KCNQ1: variants seen among roughly 807,000 people sequenced by gnomAD.
KCNQ1 encodes the protein potassium voltage-gated channel subfamily KQT member 1.
KCNQ1 carries 49 observed loss-of-function variants against 72.4 expected under a neutral mutation model. That is an observed-to-expected ratio of 0.68 (90% CI 0.54 to 0.86). The LOEUF is 0.86. Ranked by LOEUF, KCNQ1 falls within the 40% of genes least tolerant of loss-of-function variation. KCNQ1 has a pLI of 0.00. For missense variants in KCNQ1, 790 were observed against 945.1 expected (o/e 0.84, Z 2.15); for synonymous variants, 450 against 412.6 (o/e 1.09, Z -1.10).
rs535870808 is a variant in KCNQ1 at position 2,456,697 on chromosome 11, A to G, written c.386+11213A>G. On this transcript the variant is annotated intron_variant, in intron 1 of 15. Transcript: ENST00000155840. ...AGCACGTTGGGAGGCCAAGGTGGGC[A>G]GATCACCAGGTCAGGAGATCGAGAC... 1.3e-3 allele frequency among the ~76,000 whole-genome samples: 197 copies of G among 150,586 alleles called. 1 individual carries two copies. Among genetic ancestry groups the G allele is most frequent in the Middle Eastern group, 0.01 (3 of 294 alleles).
Position 2,703,489 on chromosome 11 carries a change from G to A in KCNQ1, c.1514+41408G>A, listed in dbSNP as rs1184069366. ...CCCTTGCAAGCCTGTGCACCCGAGA[G>A]CACGCACGCACACACGCACTCACAG... is the stretch of plus-strand genomic sequence containing the variant. On this transcript the variant is annotated intron_variant, in intron 11 of 15. Coordinates refer to ENST00000155840, the MANE Select transcript of KCNQ1 (RefSeq NM_000218.3). The surrounding 1 kb of genome is among the most constrained non-coding windows in gnomAD (Gnocchi z 6.4). Among the ~76,000 whole-genome samples the A allele has an allele frequency of 6.6e-6, 1 of 152,214 alleles. No individual in the cohort carries two copies. The highest frequency in any genetic ancestry group is 1.5e-5 in the Non-Finnish European group (1 of 68,038).
At chr11:2,757,553 T>C (rs1299423765) in intron 11 of KCNQ1, among the ~76,000 whole-genome samples, 1 of 152,212 alleles carries the variant, frequency 6.6e-6, no homozygotes, top group Non-Finnish European at 1.5e-5. Flanking sequence ...CAAGATTTCT[T>C]ATGGACATGG....
chr11:2,625,685 C>T (rs1194648519), intron 10 of KCNQ1: 3 of 397,272 alleles, frequency 7.6e-6, no homozygotes, highest in Non-Finnish European at 1.3e-5. Flanking sequence ...ACATCATTCT[C>T]CTGCCTCCCG....
intron 2 of KCNQ1, among the ~76,000 whole-genome samples, chr11:2,540,398 C>A (rs550726187): frequency 1.3e-5 from 2 of 152,236 alleles, no homozygotes; most frequent in African/African-American, 2.4e-5. Flanking sequence ...TCAGGAGCCA[C>A]GGCTCGAGCA....
intron 11 of KCNQ1, among the ~76,000 whole-genome samples, chr11:2,756,033 C>T (rs766208812): frequency 7.9e-5 from 12 of 152,152 alleles, no homozygotes; most frequent in East Asian, 1.9e-4. Context: ...CCATTGGGAG[C>T]GGTGGCAGGG....
At chr11:2,672,755 A>T in intron 11 of KCNQ1, 1 of 398,812 alleles carries the variant, frequency 2.5e-6, no homozygotes, top group Non-Finnish European at 4.4e-6. Context: ...TTGCTGGTCC[A>T]GCATGGCCTG....
At chr11:2,531,869 CA>C in intron 2 of KCNQ1, among the ~76,000 whole-genome samples, 1 of 152,330 alleles carries the variant, frequency 6.6e-6, no homozygotes, top group Non-Finnish European at 1.5e-5. Flanking sequence ...CTTTCTAAGA[CA>C]AAAACCTGAT....
chr11:2,498,125 T>A lies in KCNQ1; in HGVS notation c.387-29803T>A, dbSNP rs1401406237. Reference sequence around the variant, plus strand: ...GTCTGTTGACCCCTGTTGGGAGGTCTTGCCTGCTCAGGAGGCATGGGGCTC... The same window carrying A: ...GTCTGTTGACCCCTGTTGGGAGGTCATGCCTGCTCAGGAGGCATGGGGCTC... On this transcript the variant is annotated intron_variant, in intron 1 of 15. Transcript: ENST00000155840. The surrounding 1 kb of genome is among the most constrained non-coding windows in gnomAD (Gnocchi z 4.8). Among the ~76,000 whole-genome samples the A allele has an allele frequency of 6.6e-6, 1 of 152,200 alleles. No homozygotes were observed. Among genetic ancestry groups the A allele is most frequent in the African/African-American group, 2.4e-5 (1 of 41,464 alleles).
intron 2 of KCNQ1, among the ~76,000 whole-genome samples, chr11:2,528,231 G>T (rs1482742733): frequency 1.3e-5 from 2 of 152,228 alleles, no homozygotes; most frequent in African/African-American, 4.8e-5. Flanking sequence ...ACCAAGGACT[G>T]AGGGGAACCT....
chr11:2,628,332 A>T, intron 10 of KCNQ1: 1 of 398,516 alleles, frequency 2.5e-6, no homozygotes, highest in Non-Finnish European at 4.4e-6. Flanking sequence ...AGCGATTCTA[A>T]CAGTTATGAG....
chr11:2,761,591 C>CG (rs1314182472), intron 11 of KCNQ1, among the ~76,000 whole-genome samples: 2 of 152,202 alleles, frequency 1.3e-5, no homozygotes, highest in Non-Finnish European at 2.9e-5. Flanking sequence ...GCCCCTCTTC[C>CG]GTATCACTAC....
intron 11 of KCNQ1, among the ~76,000 whole-genome samples, chr11:2,761,038 C>T (rs1048407546): frequency 3.3e-5 from 5 of 152,208 alleles, no homozygotes; most frequent in African/African-American, 4.8e-5. Context: ...TTCTGTATCC[C>T]GAGGTTCTTG....
At chr11:2,776,490 C>T (rs533277365) in intron 13 of KCNQ1, among the ~76,000 whole-genome samples, 14 of 152,310 alleles carry the variant, frequency 9.2e-5, no homozygotes, top group Non-Finnish European at 1.5e-4. Context: ...CCCCACCGCA[C>T]GGGTCTCCCC....
rs898893240 is a variant in KCNQ1, at chr11:2,750,437, C to T, written c.1515-18407C>T. Reference sequence around the variant, plus strand: ...GCCTTCCCAGCAGAATGTCCAGGCTCCTGCTGGCCCAAGCTCCAAGTTCTC... The same window carrying T: ...GCCTTCCCAGCAGAATGTCCAGGCTTCTGCTGGCCCAAGCTCCAAGTTCTC... On this transcript the variant is annotated intron_variant, in intron 11 of 15. Coordinates refer to ENST00000155840, the MANE Select transcript of KCNQ1 (RefSeq NM_000218.3). The surrounding 1 kb of genome is among the most constrained non-coding windows in gnomAD (Gnocchi z 6.3). Among the ~76,000 whole-genome samples, 1 of 152,136 alleles carries T rather than the reference C, an allele frequency of 6.6e-6. No individual in the cohort carries two copies. Among genetic ancestry groups the T allele is most frequent in the Non-Finnish European group, 1.5e-5 (1 of 68,022 alleles).
chr11:2,495,760 T>C lies in KCNQ1; in HGVS notation c.387-32168T>C, dbSNP rs949778097. ...CTGAGGAGTGTTTTACTTCCAGTTA[T>C]GTGGTCAATTTTAGAATAAGTGCTA... On this transcript the variant is annotated intron_variant, in intron 1 of 15. Coordinates refer to ENST00000155840, the MANE Select transcript of KCNQ1 (RefSeq NM_000218.3). The surrounding 1 kb of genome is among the most constrained non-coding windows in gnomAD (Gnocchi z 4.6). 2.0e-5 allele frequency among the ~76,000 whole-genome samples: 3 copies of C among 152,248 alleles called. No homozygotes were observed. Among genetic ancestry groups the C allele is most frequent in the Admixed American group, 6.5e-5 (1 of 15,288 alleles).
intron 11 of KCNQ1, among the ~76,000 whole-genome samples, chr11:2,730,059 G>A (rs1037099012): frequency 2.6e-5 from 4 of 152,152 alleles, no homozygotes; most frequent in Admixed American, 2.0e-4. Context: ...GCTAGGACAC[G>A]TGAAGCCCTG....
In KCNQ1 at chr11:2,599,951, G is replaced by C. The variant is rs1260865673; in HGVS notation, c.1393+11097G>C. On this transcript the variant is annotated intron_variant, in intron 10 of 15. Coordinates refer to ENST00000155840, the MANE Select transcript of KCNQ1 (RefSeq NM_000218.3). This position sits in a 1 kb window ranked among gnomAD's most constrained non-coding sequence, Gnocchi z 4.7. ...GGACACAATTCAGCCCGTGACACAG[G>C]AATAGGCTTGTTAATTTCAGTGATG... is the stretch of plus-strand genomic sequence containing the variant. 1.3e-5 allele frequency among the ~76,000 whole-genome samples: 2 copies of C among 152,240 alleles called. No individual in the cohort carries two copies. Among genetic ancestry groups the C allele is most frequent in the Non-Finnish European group, 2.9e-5 (2 of 68,040 alleles).
rs1344236182 is a variant in KCNQ1 at position 2,623,367 on chromosome 11, T to C, written c.1393+34513T>C. The stretch of plus-strand genomic sequence containing the variant: ...TTATAGTATCATACAGATACGTATA[T>C]TTACATATATTTGTACATTTTCACT... On this transcript the variant is annotated intron_variant, in intron 10 of 15. Transcript: ENST00000155840. This position sits in a 1 kb window ranked among gnomAD's most constrained non-coding sequence, Gnocchi z 5.2. The C allele has an allele frequency of 2.5e-6, 1 of 398,624 alleles. No homozygotes were observed. The highest frequency in any genetic ancestry group is 4.4e-5 in the Admixed American group (1 of 22,734). The allele number at this position is 398,624 out of a possible 1,614,324, so 24.7% of individuals were successfully genotyped here.
rs1846539746 is a variant in KCNQ1, at chr11:2,768,787, A to AG, written c.1515-53dup. On this transcript the variant is annotated intron_variant, in intron 11 of 15. Coordinates refer to ENST00000155840, the MANE Select transcript of KCNQ1 (RefSeq NM_000218.3). The surrounding 1 kb of genome is among the most constrained non-coding windows in gnomAD (Gnocchi z 6.7). ...CTCCTCAGGCAGTGCAGGGGCAGTGAGGGGATGACCAGCACAGGGTGGCCA... is the reference window on the plus strand; with the variant it reads ...CTCCTCAGGCAGTGCAGGGGCAGTGAGGGGGATGACCAGCACAGGGTGGCCA... 1 of 1,342,622 alleles carries AG rather than the reference A, an allele frequency of 7.4e-7. No individual in the cohort carries two copies. The highest frequency in any genetic ancestry group is 1.2e-5 in the South Asian group (1 of 85,586). 83.2% of individuals were successfully genotyped at this position (1,342,622 alleles called of 1,614,324 possible).
Sources: gnomAD v4.1 joint callset for allele counts (sites outside exome capture counted in the v4.1 genomes callset) on GRCh38, gnomAD v4.1.1 for gene constraint, Gnocchi (gnomAD v3.1) non-coding constraint, MANE v1.5 for transcripts, NCBI Gene and HGNC (gene_info 2026-07-23, HGNC 2026-07-21) for gene names.